ARHGAP6: variants seen among roughly 807,000 people sequenced by gnomAD.
ARHGAP6 encodes Rho GTPase activating protein 6, also known as rho GTPase-activating protein 6.
In ARHGAP6, 16 loss-of-function variants were observed where a neutral mutation model predicts 55.7. The observed-to-expected ratio is 0.29, with a 90% CI of 0.19 to 0.44. The LOEUF (loss-of-function observed/expected upper bound fraction) is 0.44, where lower values mean the gene tolerates loss of function less well. Ranked by LOEUF, ARHGAP6 falls within the 20% of genes least tolerant of loss-of-function variation. The pLI, the probability that ARHGAP6 is intolerant of heterozygous loss-of-function variation, is 1.00. For missense variants in ARHGAP6, 698 were observed against 808.9 expected (o/e 0.86, Z 1.66); for synonymous variants, 382 against 360.9 (o/e 1.06, Z -0.66).
At chrX:11,141,166 A>G (rs762545585) in intron 12 of ARHGAP6, among the ~76,000 whole-genome samples, 124 of 111,936 alleles carry the variant, frequency 1.1e-3, no homozygotes, top group Non-Finnish European at 3.6e-4. Context: ...AAATATAAAT[A>G]TAAAACAACC....
intron 1 of ARHGAP6, among the ~76,000 whole-genome samples, chrX:11,261,985 CAGATTACATATA>C (rs1421956533): frequency 9.0e-6 from 1 of 111,690 alleles, no homozygotes; most frequent in African/African-American, 3.3e-5. Context: ...CTGTTAAGCC[CAGATTACATATA>C]ATCTCCTTAA....
At chrX:11,488,348 G>A (rs2050531896) in intron 1 of ARHGAP6, among the ~76,000 whole-genome samples, 1 of 111,590 alleles carries the variant, frequency 9.0e-6, no homozygotes, top group Non-Finnish European at 1.9e-5. Context: ...GCATCAGGTT[G>A]GAAACTTACT....
At chrX:11,525,709 G>C (rs1467019878) in intron 1 of ARHGAP6, among the ~76,000 whole-genome samples, 1 of 111,945 alleles carries the variant, frequency 8.9e-6, no homozygotes, top group Non-Finnish European at 1.9e-5. Context: ...AAGATGCTAG[G>C]AGTGGAGCAC....
rs1248627677 is a variant in ARHGAP6, at chrX:11,540,228, T to A, written c.588+124013A>T. Among the ~76,000 whole-genome samples the A allele has an allele frequency of 7.9e-5, 8 of 100,787 alleles. No individual in the cohort carries two copies. The East Asian group carries it at 2.4e-3, about 31-fold the overall frequency. The allele number at this position is 100,787 out of a possible 115,157, so 87.5% of individuals were successfully genotyped here. ...GAGATCACGCCACTGCACTCTAGCC[T>A]GGGTGACAGAGCAAGACTCTGTCAA... is the stretch of plus-strand genomic sequence containing the variant. On this transcript the variant is annotated intron_variant, in intron 1 of 12. Transcript: ENST00000337414.
At chrX:11,324,025 A>G (rs1043328331) in intron 1 of ARHGAP6, among the ~76,000 whole-genome samples, 3 of 111,495 alleles carry the variant, frequency 2.7e-5, no homozygotes, top group Admixed American at 1.9e-4. Flanking sequence ...ACAATAGCCA[A>G]CACCATAGAC....
chrX:11,463,902 A>T (rs1446051969), intron 1 of ARHGAP6, among the ~76,000 whole-genome samples: 1 of 112,528 alleles, frequency 8.9e-6, no homozygotes, highest in East Asian at 2.8e-4. Flanking sequence ...TGCCAAAGCA[A>T]CAGCCATCTT....
chrX:11,417,503 T>G (rs911033753), intron 1 of ARHGAP6, among the ~76,000 whole-genome samples: 1 of 110,689 alleles, frequency 9.0e-6, no homozygotes, highest in Non-Finnish European at 1.9e-5. Context: ...TGTAAAAACC[T>G]GGTAAAATGA....
At chrX:11,427,764 G>GCGGAGCC in intron 1 of ARHGAP6, 1 of 767,028 alleles carries the variant, frequency 1.3e-6, no homozygotes, top group Non-Finnish European at 1.5e-6. Context: ...CGCTGCCGCT[G>GCGGAGCC]CGGAGCCGGT....
chrX:11,545,852 G>A (rs900800506), intron 1 of ARHGAP6, among the ~76,000 whole-genome samples: 2 of 111,420 alleles, frequency 1.8e-5, no homozygotes, highest in African/African-American at 6.5e-5. Context: ...TTAAAAAAGT[G>A]AACTGCAACA....
chrX:11,313,886 G>T (rs893155686), intron 1 of ARHGAP6, among the ~76,000 whole-genome samples: 8 of 112,080 alleles, frequency 7.1e-5, no homozygotes, highest in African/African-American at 2.6e-4. Context: ...ATCAAATACA[G>T]AATCACCTGG....
At chrX:11,620,269 G>A (rs1264459213) in intron 1 of ARHGAP6, among the ~76,000 whole-genome samples, 1 of 111,795 alleles carries the variant, frequency 8.9e-6, no homozygotes, top group African/African-American at 3.3e-5. Flanking sequence ...ACCAAGAAGT[G>A]CAATTAAAAA....
chrX:11,205,055 A>C (rs1023243863), intron 2 of ARHGAP6, among the ~76,000 whole-genome samples: 50 of 111,082 alleles, frequency 4.5e-4, no homozygotes, highest in African/African-American at 1.6e-3. Context: ...GATGCTCAAG[A>C]AGTTAGTTGA....
intron 1 of ARHGAP6, among the ~76,000 whole-genome samples, chrX:11,508,074 G>A (rs1441621310): frequency 8.9e-6 from 1 of 112,170 alleles, no homozygotes; most frequent in Non-Finnish European, 1.9e-5. Flanking sequence ...AGTACAGGGT[G>A]TTTACCTAGC....
intron 1 of ARHGAP6, among the ~76,000 whole-genome samples, chrX:11,374,165 G>A (rs192788638): frequency 2.7e-5 from 3 of 111,533 alleles, no homozygotes; most frequent in South Asian, 3.8e-4. Context: ...TACCCTCTCC[G>A]TGGTAGTAAT....
In ARHGAP6 at chrX:11,590,910, G is replaced by GAAAGAAAGAAAGAAAGA. The variant is rs1556119234; in HGVS notation, c.588+73330_588+73331insTCTTTCTTTCTTTCTTT. 5.8e-4 allele frequency among the ~76,000 whole-genome samples: 49 copies of GAAAGAAAGAAAGAAAGA among 83,854 alleles called. 4 individuals are homozygous for GAAAGAAAGAAAGAAAGA. The highest frequency in any genetic ancestry group is 1.3e-3 in the East Asian group (4 of 3,082). 72.8% of individuals were successfully genotyped at this position (83,854 alleles called of 115,157 possible). ...AGAAAGAAAGAAAGAAAGAAAGAAA[G>GAAAGAAAGAAAGAAAGA]AAAGAAAAGAAAAGAAAAGATAAGT... On this transcript the variant is annotated intron_variant, in intron 1 of 12. Transcript: ENST00000337414.
chrX:11,578,112 T>C (rs2051623695), intron 1 of ARHGAP6, among the ~76,000 whole-genome samples: 1 of 111,435 alleles, frequency 9.0e-6, no homozygotes, highest in Non-Finnish European at 1.9e-5. Flanking sequence ...AGCAGTGGCT[T>C]AAAATGGAGG....
intron 1 of ARHGAP6, among the ~76,000 whole-genome samples, chrX:11,320,819 AAT>A (rs2048423821): frequency 1.9e-5 from 2 of 107,436 alleles, no homozygotes; most frequent in South Asian, 4.1e-4. Context: ...ACAGGTGTAT[AAT>A]ATACACACAC....
At chrX:11,211,693 G>A (rs949030997) in intron 2 of ARHGAP6, among the ~76,000 whole-genome samples, 11 of 110,092 alleles carry the variant, frequency 1.0e-4, no homozygotes, top group African/African-American at 3.6e-4. Flanking sequence ...ACAGGCACCC[G>A]CCACCACACC....
At chrX:11,642,262 C>G (rs1232232534) in intron 1 of ARHGAP6, among the ~76,000 whole-genome samples, 1 of 111,847 alleles carries the variant, frequency 8.9e-6, no homozygotes, top group Non-Finnish European at 1.9e-5. Context: ...AACGTATCTA[C>G]AGCTCTGCTT....
Sources: gnomAD v4.1 joint callset for allele counts (sites outside exome capture counted in the v4.1 genomes callset) on GRCh38, gnomAD v4.1.1 for gene constraint, MANE v1.5 for transcripts, NCBI Gene and HGNC (gene_info 2026-07-23, HGNC 2026-07-21) for gene names.